Variants in GALNT16 observed in about 807,000 individuals in gnomAD.
The protein encoded by GALNT16 is polypeptide N-acetylgalactosaminyltransferase 16.
A neutral mutation model predicts 76.1 loss-of-function variants in GALNT16; 40 were observed. The ratio of observed to expected loss-of-function variants is 0.53; its 90% confidence interval spans 0.41 to 0.68. GALNT16 has a LOEUF of 0.68. GALNT16 is among the 30% of genes least tolerant of loss of function. The probability of loss-of-function intolerance (pLI) is 0.00; values close to 1 mark genes in which losing one functional copy is unlikely to be tolerated. For synonymous variants in GALNT16, 276 were observed against 285.2 expected, an observed-to-expected ratio of 0.97 and a Z score of 0.32; for missense variants, 621 against 731.9, an observed-to-expected ratio of 0.85 and a Z score of 1.75.
chr14:69,335,247 A>G (rs1221900054), intron 9 of GALNT16, among the ~76,000 whole-genome samples: 2 of 152,178 alleles, frequency 1.3e-5, no homozygotes, highest in African/African-American at 2.4e-5. Context: ...TCCCGACTCA[A>G]AACCAGCTGG....
intron 1 of GALNT16, among the ~76,000 whole-genome samples, chr14:69,300,224 G>A (rs1040969671): frequency 4.6e-5 from 7 of 151,792 alleles, no homozygotes; most frequent in Admixed American, 2.0e-4. Flanking sequence ...TGCTACACCC[G>A]CACACACACA....
chr14:69,351,247 G>A (rs1197924752), intron 14 of GALNT16: 1 of 152,290 alleles, frequency 6.6e-6, no homozygotes, highest in African/African-American at 2.4e-5. Context: ...AAGCTCAAGT[G>A]CCTACAGGGA....
intron 1 of GALNT16, among the ~76,000 whole-genome samples, chr14:69,312,105 A>C (rs61980321): frequency 8.3e-5 from 12 of 145,422 alleles, no homozygotes; most frequent in East Asian, 2.0e-4. Flanking sequence ...ATCTATCTAT[A>C]TCTATCTATC....
At chr14:69,295,541 G>A (rs2044748137) in intron 1 of GALNT16, among the ~76,000 whole-genome samples, 2 of 151,844 alleles carry the variant, frequency 1.3e-5, no homozygotes, top group South Asian at 4.2e-4. Context: ...CCAACATAGC[G>A]AAACTCTGTC....
At chr14:69,320,217 G>A (rs1347046522) in intron 1 of GALNT16, among the ~76,000 whole-genome samples, 4 of 152,170 alleles carry the variant, frequency 2.6e-5, no homozygotes, top group East Asian at 1.9e-4. Context: ...CTTGATGGCC[G>A]GGCGCGGTGG....
the GALNT16 span, among the ~76,000 whole-genome samples, chr14:69,383,079 T>A: frequency 1.2e-4 from 19 of 152,230 alleles, no homozygotes; most frequent in African/African-American, 4.3e-4. Context: ...AGTTTAAATG[T>A]TCTTTATGTC....
chr14:69,283,236 G>C (rs1046435348), intron 1 of GALNT16, among the ~76,000 whole-genome samples: 1 of 152,214 alleles, frequency 6.6e-6, no homozygotes, highest in African/African-American at 2.4e-5. Flanking sequence ...ATCCACAAAT[G>C]ATGGATCACT....
At chr14:69,347,668 C>G (rs576536299) in intron 13 of GALNT16, among the ~76,000 whole-genome samples, 39 of 152,344 alleles carry the variant, frequency 2.6e-4, no homozygotes, top group Admixed American at 1.4e-3. Context: ...TAAGCTCCCC[C>G]ACCCCAGCAT....
intron 1 of GALNT16, among the ~76,000 whole-genome samples, chr14:69,304,349 T>A (rs545841083): frequency 6.6e-6 from 1 of 152,356 alleles, no homozygotes; most frequent in South Asian, 2.1e-4. Context: ...AGTGAAGAGA[T>A]GGAGATTCAG....
At chr14:69,316,378 C>T (rs78082397) in intron 1 of GALNT16, among the ~76,000 whole-genome samples, 1 of 152,268 alleles carries the variant, frequency 6.6e-6, no homozygotes, top group African/African-American at 2.4e-5. Flanking sequence ...TGAGACAAAA[C>T]AGAAAACCCC....
At chr14:69,263,902 G>T (rs1393151695) in intron 1 of GALNT16, among the ~76,000 whole-genome samples, 3 of 152,168 alleles carry the variant, frequency 2.0e-5, no homozygotes, top group African/African-American at 7.2e-5. Context: ...CCGATGCAGC[G>T]AGGCAGTAGA....
chr14:69,348,338 G>T, intron 14 of GALNT16: 1 of 503,572 alleles, frequency 2.0e-6, no homozygotes, highest in East Asian at 3.2e-5. Context: ...TGTGCTAGAA[G>T]TTTGAAATAG....
intron 1 of GALNT16, among the ~76,000 whole-genome samples, chr14:69,295,414 CAA>C (rs34081669): frequency 0.034 from 3,445 of 101,604 alleles, 62 homozygotes; most frequent in Middle Eastern, 0.068. Flanking sequence ...GACTCTGTCT[CAA>C]AAAAAAAAAA....
rs1012727233 is a variant in GALNT16, at chr14:69,352,169, C to T, written c.*1C>T. On this transcript the variant is annotated 3_prime_UTR_variant, in exon 15 of 15. Coordinates refer to ENST00000448469, the MANE Select transcript of GALNT16 (RefSeq NM_001168368.2). ...GTGGCAGCTGTTGCCACACACATGACGGTAGCCCTGGGGCCTCCTGTACCT... is the reference window on the plus strand; with the variant it reads ...GTGGCAGCTGTTGCCACACACATGATGGTAGCCCTGGGGCCTCCTGTACCT... The T allele has an allele frequency of 5.0e-6, 8 of 1,606,198 alleles. No homozygotes were observed. The Admixed American group carries it at 5.1e-5, about 10-fold the overall frequency.
intron 1 of GALNT16, among the ~76,000 whole-genome samples, chr14:69,265,794 C>T (rs1004189649): frequency 1.3e-5 from 2 of 152,152 alleles, no homozygotes; most frequent in Non-Finnish European, 2.9e-5. Context: ...GTACAGTCAC[C>T]GACTGTGTGT....
chr14:69,315,732 T>C (rs1217186679), intron 1 of GALNT16, among the ~76,000 whole-genome samples: 1 of 152,188 alleles, frequency 6.6e-6, no homozygotes, highest in African/African-American at 2.4e-5. Flanking sequence ...TGATTTTCTA[T>C]TTATTGGAAG....
intron 1 of GALNT16, among the ~76,000 whole-genome samples, chr14:69,265,153 A>G (rs1311646206): frequency 6.6e-6 from 1 of 151,960 alleles, no homozygotes; most frequent in Admixed American, 6.6e-5. Context: ...TTTCCTGTCA[A>G]TGGGGTCTGT....
chr14:69,313,112 G>A (rs2045051011), intron 1 of GALNT16, among the ~76,000 whole-genome samples: 1 of 152,194 alleles, frequency 6.6e-6, no homozygotes, highest in African/African-American at 2.4e-5. Flanking sequence ...AGCACCCAGT[G>A]CACAGTAGAC....
rs2044930856 is a variant in GALNT16, at chr14:69,306,220, C to T, written c.178-14491C>T. On this transcript the variant is annotated intron_variant, in intron 1 of 14. Transcript: ENST00000448469. ...TGCCTCCAGCTTTGTTTTTCCTTTT[C>T]AAAATTAATTTGGCTGTTTGTTGTT... is the stretch of plus-strand genomic sequence containing the variant. 3.9e-5 allele frequency among the ~76,000 whole-genome samples: 6 copies of T among 152,114 alleles called. No individual in the cohort carries two copies. The South Asian group carries it at 1.0e-3, about 26-fold the overall frequency.
Sources: allele counts gnomAD v4.1 joint callset (sites outside exome capture counted in the v4.1 genomes callset), GRCh38; gene constraint gnomAD v4.1.1; transcripts MANE v1.5; gene names NCBI Gene and HGNC (gene_info 2026-07-23, HGNC 2026-07-21).